PRKN: variants seen among roughly 807,000 people sequenced by gnomAD.
PRKN encodes E3 ubiquitin-protein ligase parkin.
PRKN carries 56 observed loss-of-function variants against 59.5 expected under a neutral mutation model. That is an observed-to-expected ratio of 0.94 (90% CI 0.76 to 1.18). The LOEUF (loss-of-function observed/expected upper bound fraction) is 1.18, where lower values mean the gene tolerates loss of function less well. Among genes scored for constraint, PRKN ranks in the 50% most tolerant of loss-of-function variants. The probability of loss-of-function intolerance (pLI) is 0.00; values close to 1 mark genes in which losing one functional copy is unlikely to be tolerated. For synonymous variants in PRKN, 250 were observed against 222.1 expected, an observed-to-expected ratio of 1.13 and a Z score of -1.12; for missense variants, 657 against 596.4, an observed-to-expected ratio of 1.10 and a Z score of -1.06.
intron 4 of PRKN, among the ~76,000 whole-genome samples, chr6:162,059,010 G>T (rs146843382): frequency 2.9e-4 from 43 of 150,838 alleles, no homozygotes; most frequent in Admixed American, 1.1e-3. Flanking sequence ...GCAGGAATTA[G>T]GGCCCAGTTA....
chr6:162,041,244 C>A (rs988176598), intron 5 of PRKN, among the ~76,000 whole-genome samples: 9 of 151,972 alleles, frequency 5.9e-5, no homozygotes, highest in Non-Finnish European at 1.3e-4. Flanking sequence ...GAGTATAAAC[C>A]AATAAATGAA....
At chr6:162,277,003 A>G (rs945750210) in intron 2 of PRKN, among the ~76,000 whole-genome samples, 20 of 152,210 alleles carry the variant, frequency 1.3e-4, no homozygotes, top group African/African-American at 4.6e-4. Context: ...ATCCATGAAT[A>G]TATGATAATA....
intron 6 of PRKN, among the ~76,000 whole-genome samples, chr6:161,941,746 G>T (rs1258460493): frequency 6.6e-6 from 1 of 152,144 alleles, no homozygotes; most frequent in Non-Finnish European, 1.5e-5. Context: ...GAGCAGCCGG[G>T]CACTAAAGAA....
At position 161,551,483 on chromosome 6, in the gene PRKN, T is replaced by C. The variant is rs534683337; in HGVS notation, c.934-2480A>G. Among the ~76,000 whole-genome samples the C allele has an allele frequency of 3.9e-5, 6 of 152,262 alleles. No individual in the cohort carries two copies. The East Asian group carries it at 1.2e-3, about 29-fold the overall frequency. On this transcript the variant is annotated intron_variant, in intron 8 of 11. Coordinates refer to ENST00000366898, the MANE Select transcript of PRKN (RefSeq NM_004562.3). This position sits in a 1 kb window ranked among gnomAD's most constrained non-coding sequence, Gnocchi z 5.2. ...AAGGAGACTAAGGAGCAGCAGCCTA[T>C]GAGGCAGGTGAAAACTGAGGAGGAC...
At chr6:161,643,377 T>C (rs1430523783) in intron 7 of PRKN, among the ~76,000 whole-genome samples, 1 of 152,226 alleles carries the variant, frequency 6.6e-6, no homozygotes, top group Admixed American at 6.5e-5. Context: ...ACTAGGGATG[T>C]ATTTCAGAGG....
chr6:161,989,591 C>G (rs1781565854), intron 5 of PRKN, among the ~76,000 whole-genome samples: 1 of 151,932 alleles, frequency 6.6e-6, no homozygotes, highest in Non-Finnish European at 1.5e-5. Flanking sequence ...ACCTGGGGAC[C>G]AATGTGTCCC....
At chr6:162,184,540 T>A (rs1426739620) in intron 4 of PRKN, among the ~76,000 whole-genome samples, 3 of 152,182 alleles carry the variant, frequency 2.0e-5, no homozygotes, top group Non-Finnish European at 4.4e-5. Context: ...TTCTCATTTC[T>A]TCTCTCTCTT....
rs1785705061 is a variant in PRKN at position 161,376,432 on chromosome 6, C to T, written c.1167+10362G>A. Reference sequence around the variant, plus strand: ...CCAATGGCACCACCATCGTTCTAAGCTAGACATTCATGCATCAACATTAAC... The same window carrying T: ...CCAATGGCACCACCATCGTTCTAAGTTAGACATTCATGCATCAACATTAAC... On this transcript the variant is annotated intron_variant, in intron 10 of 11. Coordinates refer to ENST00000366898, the MANE Select transcript of PRKN (RefSeq NM_004562.3). The surrounding 1 kb of genome is among the most constrained non-coding windows in gnomAD (Gnocchi z 7.3). Among the ~76,000 whole-genome samples the T allele has an allele frequency of 6.6e-6, 1 of 152,210 alleles. No homozygotes were observed. Among genetic ancestry groups the T allele is most frequent in the African/African-American group, 2.4e-5 (1 of 41,460 alleles).
At chr6:161,676,393 T>C (rs1334390463) in intron 7 of PRKN, among the ~76,000 whole-genome samples, 7 of 152,214 alleles carry the variant, frequency 4.6e-5, no homozygotes, top group Admixed American at 3.9e-4. Context: ...CCAGCTAAAA[T>C]GCCTTGGAGC....
intron 1 of PRKN, among the ~76,000 whole-genome samples, chr6:162,449,812 A>G (rs1790503686): frequency 6.6e-6 from 1 of 152,198 alleles, no homozygotes; most frequent in African/African-American, 2.4e-5. Context: ...CAAAAAAACT[A>G]CTATAAAATT....
intron 1 of PRKN, among the ~76,000 whole-genome samples, chr6:162,492,265 T>C (rs1792851092): frequency 6.6e-6 from 1 of 152,192 alleles, no homozygotes; most frequent in South Asian, 2.1e-4. Context: ...TAATTTGCAT[T>C]GAAGGGTGCG....
intron 2 of PRKN, among the ~76,000 whole-genome samples, chr6:162,383,346 A>G (rs1194687709): frequency 1.3e-5 from 2 of 152,226 alleles, no homozygotes; most frequent in African/African-American, 4.8e-5. Flanking sequence ...CCGTTATGTT[A>G]GCAAGCATGA....
At chr6:161,804,702 T>G (rs1222777971) in intron 6 of PRKN, among the ~76,000 whole-genome samples, 1 of 152,218 alleles carries the variant, frequency 6.6e-6, no homozygotes, top group Non-Finnish European at 1.5e-5. Flanking sequence ...CTACACATTG[T>G]CCCAACAATG....
At chr6:162,700,363 G>A (rs566846443) in intron 1 of PRKN, among the ~76,000 whole-genome samples, 20 of 152,284 alleles carry the variant, frequency 1.3e-4, no homozygotes, top group South Asian at 1.2e-3. Flanking sequence ...GCTATGTTCC[G>A]AGCATGCTCA....
intron 6 of PRKN, among the ~76,000 whole-genome samples, chr6:161,972,362 C>G (rs377612638): frequency 6.6e-6 from 1 of 151,678 alleles, no homozygotes; most frequent in South Asian, 2.1e-4. Flanking sequence ...CTTCAAAGAA[C>G]ATGTAACGAA....
chr6:162,424,802 G>A lies in PRKN; in HGVS notation c.171+18508C>T, dbSNP rs564086247. ...GCGGATGGGGGTGGGAATGTTGATA[G>A]TGGGGAGGTTGTGTGTAAGTAAGGG... On this transcript the variant is annotated intron_variant, in intron 2 of 11. Coordinates refer to ENST00000366898, the MANE Select transcript of PRKN (RefSeq NM_004562.3). Among the ~76,000 whole-genome samples the A allele has an allele frequency of 6.6e-5, 10 of 152,066 alleles. No individual in the cohort carries two copies. The East Asian group carries it at 1.9e-3, about 29-fold the overall frequency.
At chr6:162,437,842 A>G (rs1789852971) in intron 2 of PRKN, among the ~76,000 whole-genome samples, 1 of 152,192 alleles carries the variant, frequency 6.6e-6, no homozygotes, top group Admixed American at 6.5e-5. Context: ...GAAAGACATC[A>G]GAGTTGTTTC....
intron 1 of PRKN, among the ~76,000 whole-genome samples, chr6:162,471,683 A>C (rs1477704817): frequency 6.6e-6 from 1 of 152,186 alleles, no homozygotes; most frequent in African/African-American, 2.4e-5. Flanking sequence ...AGAATTCATA[A>C]ATTATACAGA....
chr6:162,606,164 G>A (rs1781905038), intron 1 of PRKN, among the ~76,000 whole-genome samples: 1 of 152,114 alleles, frequency 6.6e-6, no homozygotes, highest in Non-Finnish European at 1.5e-5. Context: ...ATCATCTTTT[G>A]CCTCTCACTG....
Sources: gnomAD v4.1 joint callset for allele counts (sites outside exome capture counted in the v4.1 genomes callset) on GRCh38, gnomAD v4.1.1 for gene constraint, Gnocchi (gnomAD v3.1) non-coding constraint, MANE v1.5 for transcripts, NCBI Gene and HGNC (gene_info 2026-07-23, HGNC 2026-07-21) for gene names.